Variants in LEPROTL1 observed in about 807,000 individuals in gnomAD.
LEPROTL1 encodes the protein leptin receptor overlapping transcript like 1, also known as leptin receptor overlapping transcript-like 1.
In LEPROTL1, 6 loss-of-function variants were observed where a neutral mutation model predicts 15.4. The observed-to-expected ratio is 0.39, with a 90% CI of 0.21 to 0.77. LEPROTL1 has a LOEUF of 0.77. LEPROTL1 is among the 30% of genes least tolerant of loss of function. The pLI is 0.41. For synonymous variants in LEPROTL1, 56 were observed against 52.6 expected, an observed-to-expected ratio of 1.06 and a Z score of -0.28; for missense variants, 128 against 158.1, an observed-to-expected ratio of 0.81 and a Z score of 1.02.
intron 3 of LEPROTL1, among the ~76,000 whole-genome samples, chr8:30,124,123 A>AT (rs1332181277): frequency 1.3e-5 from 2 of 152,156 alleles, no homozygotes; most frequent in African/African-American, 4.8e-5. Context: ...GTGACATACC[A>AT]TCACTTCTGT....
chr8:30,131,114 T>G (rs1159723972), intron 3 of LEPROTL1, among the ~76,000 whole-genome samples: 1 of 151,040 alleles, frequency 6.6e-6, no homozygotes, highest in Non-Finnish European at 1.5e-5. Flanking sequence ...TTTTAGCAGA[T>G]GGGGTCTCCC....
rs530344835 is a variant in LEPROTL1 at position 30,095,464 on chromosome 8, T to A, written c.-49T>A. 3.3e-5 allele frequency: 48 copies of A among 1,463,174 alleles called. No individual in the cohort carries two copies. The Admixed American group carries it at 8.2e-4, about 25-fold the overall frequency. The allele number at this position is 1,463,174 out of a possible 1,614,324, so 90.6% of individuals were successfully genotyped here. On this transcript the variant is annotated 5_prime_UTR_variant, in exon 1 of 4. Coordinates refer to ENST00000321250, the MANE Select transcript of LEPROTL1 (RefSeq NM_015344.3). ...GCGTCTTGGGTCTCCCGGCTGCCGC[T>A]GCTGCCGCCGCCGCCTCGGGTCGTG... is the stretch of plus-strand genomic sequence containing the variant.
chr8:30,102,780 A>G (rs1169071819), intron 2 of LEPROTL1, among the ~76,000 whole-genome samples: 1 of 152,166 alleles, frequency 6.6e-6, no homozygotes, highest in Non-Finnish European at 1.5e-5. Flanking sequence ...GAGAACTACA[A>G]ATTGCTAATA....
chr8:30,097,696 T>TACACACACACACAC (rs1470929284), intron 1 of LEPROTL1, among the ~76,000 whole-genome samples: 14 of 108,956 alleles, frequency 1.3e-4, no homozygotes, highest in African/African-American at 4.8e-4. Context: ...TATATATATA[T>TACACACACACACAC]ATACACACAC....
Position 30,108,109 on chromosome 8 carries a change from C to G in LEPROTL1, c.*2247C>G. ...TTTTGAAATGAAAATATATGGCACA[C>G]TTTCATTCTGAAGTGCATTAACATT... On this transcript the variant is annotated 3_prime_UTR_variant, in exon 4 of 4. Coordinates refer to ENST00000321250, the MANE Select transcript of LEPROTL1 (RefSeq NM_015344.3). 6.5e-6 allele frequency: 4 copies of G among 618,694 alleles called. No individual in the cohort carries two copies. Among genetic ancestry groups the G allele is most frequent in the Non-Finnish European group, 6.1e-6 (3 of 495,134 alleles). The allele number at this position is 618,694 out of a possible 1,614,324, so 38.3% of individuals were successfully genotyped here.
At chr8:30,120,473 A>ATG (rs1324762826) in intron 3 of LEPROTL1, among the ~76,000 whole-genome samples, 4 of 57,370 alleles carry the variant, frequency 7.0e-5, no homozygotes, top group Non-Finnish European at 9.0e-5. Context: ...GCATATATAT[A>ATG]TATGTATATA....
chr8:30,104,177 C>A, intron 2 of LEPROTL1, 123 bp from the exon 3 acceptor site: 2 of 495,520 alleles, frequency 4.0e-6, no homozygotes, highest in Non-Finnish European at 6.8e-6. Flanking sequence ...CAGCTTTATG[C>A]TAAGGTTGGG....
chr8:30,109,319 A>G (rs12681275), downstream of LEPROTL1, among the ~76,000 whole-genome samples: 2,022 of 152,218 alleles, frequency 0.013, 47 homozygotes, highest in East Asian at 0.074. Context: ...TTCAGTGAAG[A>G]TTAGGAGCTC....
chr8:30,128,423 G>A (rs1403618237), intron 3 of LEPROTL1, among the ~76,000 whole-genome samples: 1 of 152,046 alleles, frequency 6.6e-6, no homozygotes, highest in Non-Finnish European at 1.5e-5. Flanking sequence ...ATTCCTTCAT[G>A]AGCATTTCCC....
chr8:30,128,896 CTTT>C (rs35339784), intron 3 of LEPROTL1, among the ~76,000 whole-genome samples: 4 of 145,608 alleles, frequency 2.7e-5, no homozygotes. Context: ...CTCTGTTTTT[CTTT>C]TTTTTTTTTT....
intron 1 of LEPROTL1, among the ~76,000 whole-genome samples, chr8:30,101,439 A>G (rs991364758): frequency 3.3e-5 from 5 of 152,244 alleles, no homozygotes; most frequent in Middle Eastern, 6.8e-3. Context: ...AGGCCAAGGC[A>G]GGTGGATCAC....
chr8:30,132,048 A>C (rs7844812), intron 3 of LEPROTL1: 37 of 1,551,456 alleles, frequency 2.4e-5, no homozygotes, highest in East Asian at 7.3e-5. Context: ...GAGAGGAGAG[A>C]CTCCTGACCT....
downstream of LEPROTL1, among the ~76,000 whole-genome samples, chr8:30,109,672 T>G (rs1369410833): frequency 2.6e-5 from 4 of 152,190 alleles, no homozygotes; most frequent in East Asian, 7.7e-4. Context: ...GTTTCCAAGT[T>G]GCTGACTTAC....
intron 3 of LEPROTL1, among the ~76,000 whole-genome samples, chr8:30,127,836 A>C (rs1802930331): frequency 6.6e-6 from 1 of 151,972 alleles, no homozygotes; most frequent in African/African-American, 2.4e-5. Context: ...AGGTCAGAGA[A>C]CATTAATGAG....
chr8:30,095,907 T>A (rs919808065), intron 1 of LEPROTL1: 12 of 698,132 alleles, frequency 1.7e-5, no homozygotes, highest in Non-Finnish European at 3.1e-5. Context: ...AGCGTGGGAT[T>A]GAGAAGGCTG....
downstream of LEPROTL1, among the ~76,000 whole-genome samples, chr8:30,110,366 C>CGT (rs147540914): frequency 1.4e-4 from 21 of 151,586 alleles, no homozygotes; most frequent in Admixed American, 3.3e-4. Flanking sequence ...GGCAGTACTC[C>CGT]GTGTGTGTGT....
At chr8:30,118,019 G>GGTCGTT (rs751348725) in intron 3 of LEPROTL1, among the ~76,000 whole-genome samples, 1 of 26,786 alleles carries the variant, frequency 3.7e-5, no homozygotes, top group African/African-American at 1.2e-4. Flanking sequence ...TTTTTGATTT[G>GGTCGTT]TTTTTTTTTT....
downstream of LEPROTL1, among the ~76,000 whole-genome samples, chr8:30,112,267 G>A (rs1159522896): frequency 6.6e-6 from 1 of 151,956 alleles, no homozygotes; most frequent in African/African-American, 2.4e-5. Flanking sequence ...ATGGAGTCTT[G>A]CTCTGTCGCC....
rs949479321 is a variant in LEPROTL1 at position 30,106,521 on chromosome 8, C to T, written c.*659C>T. The stretch of plus-strand genomic sequence containing the variant: ...TGAAAATTATTTTATGGAATTGCTA[C>T]AGAGGAGTGCTTTTCTTCTCAATTG... On this transcript the variant is annotated 3_prime_UTR_variant, in exon 4 of 4. Coordinates refer to ENST00000321250, the MANE Select transcript of LEPROTL1 (RefSeq NM_015344.3). 2.1e-5 allele frequency: 21 copies of T among 985,584 alleles called. No homozygotes were observed. The highest frequency in any genetic ancestry group is 4.7e-5 in the South Asian group (1 of 21,286). 61.1% of individuals were successfully genotyped at this position (985,584 alleles called of 1,614,324 possible).
Sources: gnomAD v4.1 joint callset for allele counts (sites outside exome capture counted in the v4.1 genomes callset) on GRCh38, gnomAD v4.1.1 for gene constraint, MANE v1.5 for transcripts, NCBI Gene and HGNC (gene_info 2026-07-23, HGNC 2026-07-21) for gene names.